Variants in UQCRH observed in about 807,000 individuals in gnomAD.
The protein encoded by UQCRH is ubiquinol-cytochrome c reductase hinge protein, also known as cytochrome b-c1 complex subunit 6, mitochondrial.
A neutral mutation model predicts 16.3 loss-of-function variants in UQCRH; 14 were observed. The ratio of observed to expected loss-of-function variants is 0.86; its 90% CI spans 0.57 to 1.34. The LOEUF is 1.34. Among genes scored for constraint, UQCRH ranks in the 40% most tolerant of loss-of-function variants. UQCRH has a pLI of 0.00. For missense variants in UQCRH, 89 were observed against 111.9 expected, an observed-to-expected ratio of 0.80 and a Z score of 0.92; for synonymous variants, 41 against 41.9, an observed-to-expected ratio of 0.98 and a Z score of 0.08.
At chr1:46,316,484 T>TAAAAAA in intron 3 of UQCRH, 68 bp from the exon 4 acceptor site, 1 of 1,608,144 alleles carries the variant, frequency 6.2e-7, no homozygotes, top group Admixed American at 1.7e-5. Flanking sequence ...TTTCAGGTCT[T>TAAAAAA]GAAGGACCTT....
Position 46,311,627 on chromosome 1 carries a change from C to T in UQCRH, c.243+1311C>T, listed in dbSNP as rs1661478320. 2.0e-5 allele frequency among the ~76,000 whole-genome samples: 3 copies of T among 150,824 alleles called. No homozygotes were observed. The South Asian group carries it at 6.3e-4, about 32-fold the overall frequency. ...TTTTTTTTTGAGACGGAGTCTTGGT[C>T]TGTCGCCCAGGCTGGAGTGCAGTGG... is the stretch of plus-strand genomic sequence containing the variant. On this transcript the variant is annotated intron_variant, in intron 3 of 3. Transcript: ENST00000311672.
At chr1:46,310,408 C>G in intron 3 of UQCRH, 92 bp downstream of exon 3, 1 of 1,569,794 alleles carries the variant, frequency 6.4e-7, no homozygotes, top group Non-Finnish European at 8.7e-7. Flanking sequence ...AAAGGCCCAT[C>G]AGTTACTCTG....
intron 1 of UQCRH, among the ~76,000 whole-genome samples, chr1:46,305,329 A>G (rs993110721): frequency 2.1e-4 from 31 of 151,216 alleles, no homozygotes; most frequent in African/African-American, 7.3e-4. Flanking sequence ...AAACTAAAGA[A>G]AGAAATGGAG....
intron 3 of UQCRH, among the ~76,000 whole-genome samples, chr1:46,311,012 G>A (rs1434437490): frequency 1.3e-5 from 2 of 151,222 alleles, no homozygotes; most frequent in African/African-American, 4.9e-5. Context: ...AGCTTGCAGT[G>A]AGCCGAGATT....
chr1:46,311,776 TTTTG>T (rs1284309341), intron 3 of UQCRH, among the ~76,000 whole-genome samples: 6 of 151,190 alleles, frequency 4.0e-5, no homozygotes, highest in Admixed American at 1.3e-4. Flanking sequence ...TTTTGTTTTT[TTTTG>T]TTTGTTTGTT....
intron 1 of UQCRH, among the ~76,000 whole-genome samples, chr1:46,305,950 C>T (rs55867821): frequency 0.013 from 1,969 of 151,838 alleles, 18 homozygotes; most frequent in Non-Finnish European, 0.023. Flanking sequence ...AAATTACAGG[C>T]GCACGCCACC....
intron 2 of UQCRH, chr1:46,309,739 T>C (rs1661434222): frequency 2.2e-6 from 1 of 456,582 alleles, no homozygotes; most frequent in South Asian, 3.7e-5. Flanking sequence ...TAGCATTGCC[T>C]TTCTAGTTGG....
intron 3 of UQCRH, among the ~76,000 whole-genome samples, chr1:46,314,233 G>A (rs1373839196): frequency 1.3e-5 from 2 of 152,092 alleles, no homozygotes; most frequent in Non-Finnish European, 2.9e-5. Flanking sequence ...GGGCATGGTG[G>A]CGGGTGCTTG....
chr1:46,309,932 T>G, intron 2 of UQCRH: 5 of 1,435,224 alleles, frequency 3.5e-6, no homozygotes, highest in Non-Finnish European at 4.5e-6. Flanking sequence ...CTGGCAACCT[T>G]GGAAGGCAGG....
intron 3 of UQCRH, among the ~76,000 whole-genome samples, chr1:46,315,476 C>G (rs1421260772): frequency 6.6e-6 from 1 of 151,286 alleles, no homozygotes; most frequent in Non-Finnish European, 1.5e-5. Flanking sequence ...CACTTGTAAT[C>G]CCAGCTACTC....
chr1:46,303,714 T>A lies in UQCRH; in HGVS notation c.-53T>A, dbSNP rs1464491191. ...TTACAAGTCCTTCTTGATCCTGAAC[T>A]GGGTTAGGTGCCGCTGTTGCTGCTC... On this transcript the variant is annotated 5_prime_UTR_variant, in exon 1 of 4. Transcript: ENST00000311672. 6.2e-7 allele frequency: 1 copy of A among 1,613,412 alleles called. No homozygotes were observed. Among genetic ancestry groups the A allele is most frequent in the Non-Finnish European group, 8.5e-7 (1 of 1,179,704 alleles).
intron 3 of UQCRH, among the ~76,000 whole-genome samples, chr1:46,315,006 T>C (rs1229747799): frequency 1.3e-5 from 2 of 152,108 alleles, no homozygotes; most frequent in Non-Finnish European, 2.9e-5. Context: ...AAATGTACAG[T>C]TAAAAATGAT....
intron 3 of UQCRH, 136 bp downstream of exon 3, chr1:46,310,452 ATTT>A: frequency 7.7e-7 from 1 of 1,290,522 alleles, no homozygotes; most frequent in Non-Finnish European, 1.1e-6. Context: ...TGCGCTGAGC[ATTT>A]TATGTAAATA....
intron 1 of UQCRH, among the ~76,000 whole-genome samples, chr1:46,304,252 G>GGTGT (rs1235448540): frequency 6.6e-6 from 1 of 152,148 alleles, no homozygotes; most frequent in Non-Finnish European, 1.5e-5. Flanking sequence ...CTTTGAGGAA[G>GGTGT]GTGTGTGTCT....
At chr1:46,314,396 C>A (rs892862401) in intron 3 of UQCRH, among the ~76,000 whole-genome samples, 2 of 150,758 alleles carry the variant, frequency 1.3e-5, no homozygotes, top group Non-Finnish European at 3.0e-5. Context: ...AGGGGCTGGG[C>A]ATAGCAGCTC....
chr1:46,316,418 C>T (rs112953144), intron 3 of UQCRH, 134 bp from the exon 4 acceptor site: 1 of 1,176,394 alleles, frequency 8.5e-7, no homozygotes, highest in Non-Finnish European at 1.2e-6. Context: ...TTCACTAGGA[C>T]TCAAGTGCTG....
At chr1:46,309,538 C>T in intron 2 of UQCRH, 1 of 187,216 alleles carries the variant, frequency 5.3e-6, no homozygotes, top group Non-Finnish European at 1.1e-5. Context: ...GGCGTGGTGG[C>T]ACATGCCTGT....
chr1:46,313,043 C>G (rs1481327954), intron 3 of UQCRH, among the ~76,000 whole-genome samples: 5 of 152,064 alleles, frequency 3.3e-5, no homozygotes, highest in African/African-American at 1.2e-4. Flanking sequence ...GGCAGTTCCT[C>G]AAAAGGCTAA....
chr1:46,303,853 C>T (rs374582004), intron 1 of UQCRH, 33 bp downstream of exon 1: 2 of 1,613,960 alleles, frequency 1.2e-6, no homozygotes, highest in African/African-American at 2.7e-5. Context: ...GCCCTCTTCT[C>T]TGCCCTGAAG....
Sources: allele counts gnomAD v4.1 joint callset (sites outside exome capture counted in the v4.1 genomes callset), GRCh38; gene constraint gnomAD v4.1.1; transcripts MANE v1.5; gene names NCBI Gene and HGNC (gene_info 2026-07-23, HGNC 2026-07-21).